RUNDC3B: variants seen among roughly 807,000 people sequenced by gnomAD.
RUNDC3B encodes the protein RUN domain containing 3B.
In RUNDC3B, 33 loss-of-function variants were observed where a neutral mutation model predicts 58.4. The ratio of observed to expected loss-of-function variants is 0.56; its 90% CI spans 0.43 to 0.75. RUNDC3B has a LOEUF of 0.75. RUNDC3B is among the 30% of genes least tolerant of loss of function. The pLI is 0.00. For synonymous variants in RUNDC3B, 193 were observed against 195.2 expected, an observed-to-expected ratio of 0.99 and a Z score of 0.10; for missense variants, 501 against 535.7, an observed-to-expected ratio of 0.94 and a Z score of 0.64.
Position 87,777,882 on chromosome 7 carries a change from G to C in RUNDC3B, c.883G>C (p.Glu295Gln). ...SQNKILLQRI[E>Q]DSDLAHKLEK... Reference sequence around the variant, plus strand: ...GAATAAAATACTACTTCAAAGGATTGAAGATTCCGATCTGGCTCATAAACT... The same window carrying C: ...GAATAAAATACTACTTCAAAGGATTCAAGATTCCGATCTGGCTCATAAACT... The change falls in exon 8 of 11, where the codon GAA becomes CAA. Residue 295 changes from glutamate to glutamine, a missense_variant. Glu to Gln is a conservative substitution (Grantham distance 29). Transcript: ENST00000394654. The C allele has an allele frequency of 1.9e-6, 3 of 1,613,450 alleles. No individual in the cohort carries two copies. Among genetic ancestry groups the C allele is most frequent in the Non-Finnish European group, 1.7e-6 (2 of 1,179,526 alleles).
At chr7:87,731,224 C>T (rs1391417013) in intron 4 of RUNDC3B, among the ~76,000 whole-genome samples, 1 of 152,064 alleles carries the variant, frequency 6.6e-6, no homozygotes, top group Non-Finnish European at 1.5e-5. Flanking sequence ...AATATGATCT[C>T]ACCGAATGAA....
intron 2 of RUNDC3B, among the ~76,000 whole-genome samples, chr7:87,671,845 A>G (rs1476635236): frequency 1.3e-5 from 2 of 152,174 alleles, no homozygotes; most frequent in East Asian, 3.9e-4. Flanking sequence ...AACAGCAAAG[A>G]TGGTGCCTGC....
chr7:87,813,898 A>T (rs1434026586), intron 9 of RUNDC3B, among the ~76,000 whole-genome samples: 1 of 151,574 alleles, frequency 6.6e-6, no homozygotes, highest in Non-Finnish European at 1.5e-5. Context: ...GGAGAATGGC[A>T]TGAACCCAGC....
chr7:87,628,437 T>G lies in RUNDC3B; in HGVS notation c.-387T>G. ...GGCTGGGGCACGAGTGGCTGCGGAG[T>G]GTGGGTGGTTGGGCGTGAGGGGCCG... On this transcript the variant is annotated 5_prime_UTR_variant, in exon 1 of 11. Coordinates refer to ENST00000394654, the MANE Select transcript of RUNDC3B (RefSeq NM_001134405.2). 2 of 157,900 alleles carry G rather than the reference T, an allele frequency of 1.3e-5. No homozygotes were observed. Among genetic ancestry groups the G allele is most frequent in the Non-Finnish European group, 2.7e-5 (2 of 72,938 alleles). The allele number at this position is 157,900 out of a possible 1,614,324, so 9.8% of individuals were successfully genotyped here.
intron 1 of RUNDC3B, among the ~76,000 whole-genome samples, chr7:87,635,488 C>A (rs1196667267): frequency 1.3e-5 from 2 of 152,148 alleles, no homozygotes; most frequent in Non-Finnish European, 2.9e-5. Flanking sequence ...ACAACTTTAT[C>A]TTTTTCTCAT....
intron 6 of RUNDC3B, among the ~76,000 whole-genome samples, chr7:87,760,420 A>G (rs1833612239): frequency 6.6e-6 from 1 of 152,118 alleles, no homozygotes; most frequent in Non-Finnish European, 1.5e-5. Flanking sequence ...TGATCTGCAG[A>G]TTCAATTCAG....
intron 6 of RUNDC3B, among the ~76,000 whole-genome samples, chr7:87,745,558 T>C (rs1653203392): frequency 1.3e-5 from 2 of 152,172 alleles, no homozygotes; most frequent in Non-Finnish European, 2.9e-5. Context: ...TATTTTTCCA[T>C]GAATTTATCC....
chr7:87,680,339 C>T (rs1826803893), intron 2 of RUNDC3B, among the ~76,000 whole-genome samples: 1 of 150,554 alleles, frequency 6.6e-6, no homozygotes, highest in Non-Finnish European at 1.5e-5. Flanking sequence ...GAGGGATTCT[C>T]GAGGAAAATT....
chr7:87,641,723 A>G (rs921264441), intron 1 of RUNDC3B, among the ~76,000 whole-genome samples: 44 of 152,216 alleles, frequency 2.9e-4, no homozygotes, highest in East Asian at 1.9e-4. Context: ...ATATTTTATG[A>G]AAGAAAGAAA....
chr7:87,633,304 G>A (rs1018301316), intron 1 of RUNDC3B, among the ~76,000 whole-genome samples: 4 of 152,154 alleles, frequency 2.6e-5, no homozygotes, highest in African/African-American at 4.8e-5. Flanking sequence ...TATTTTGGAT[G>A]GATTGCTTTA....
At chr7:87,655,605 A>G (rs1824018587) in intron 2 of RUNDC3B, among the ~76,000 whole-genome samples, 1 of 152,176 alleles carries the variant, frequency 6.6e-6, no homozygotes, top group South Asian at 2.1e-4. Context: ...AGGATATAAA[A>G]ATTCAGTTAA....
chr7:87,732,663 C>T (rs1318439558), intron 4 of RUNDC3B, among the ~76,000 whole-genome samples: 2 of 152,018 alleles, frequency 1.3e-5, no homozygotes, highest in African/African-American at 4.8e-5. Flanking sequence ...CCTTCTGGTC[C>T]CGTGGTGCCA....
intron 2 of RUNDC3B, among the ~76,000 whole-genome samples, chr7:87,656,511 T>C (rs564743816): frequency 6.6e-6 from 1 of 151,704 alleles, no homozygotes; most frequent in South Asian, 2.1e-4. Flanking sequence ...AGAGAAAATA[T>C]CAAGGTTTGT....
At chr7:87,795,723 CA>C (rs551631238) in intron 8 of RUNDC3B, among the ~76,000 whole-genome samples, 2,716 of 113,302 alleles carry the variant, frequency 0.024, 27 homozygotes, top group African/African-American at 0.032. Context: ...ACTAAAAATA[CA>C]AAAAAAAAAA....
chr7:87,741,246 A>G (rs771530831), intron 5 of RUNDC3B, among the ~76,000 whole-genome samples: 4 of 151,756 alleles, frequency 2.6e-5, no homozygotes, highest in Admixed American at 6.6e-5. Flanking sequence ...AACTGGGATT[A>G]AGAATGTTAA....
At chr7:87,823,286 T>C (rs1160414798) in intron 10 of RUNDC3B, among the ~76,000 whole-genome samples, 1 of 152,132 alleles carries the variant, frequency 6.6e-6, no homozygotes, top group Non-Finnish European at 1.5e-5. Flanking sequence ...GTACTCTTTT[T>C]AAAATTTCAT....
intron 6 of RUNDC3B, among the ~76,000 whole-genome samples, chr7:87,767,783 G>A (rs550357288): frequency 5.9e-5 from 9 of 152,224 alleles, no homozygotes; most frequent in Non-Finnish European, 1.0e-4. Context: ...GGAGTTGAGA[G>A]GACTGCATCA....
chr7:87,744,471 G>C (rs1832531178), intron 6 of RUNDC3B, among the ~76,000 whole-genome samples: 1 of 152,102 alleles, frequency 6.6e-6, no homozygotes, highest in Non-Finnish European at 1.5e-5. Flanking sequence ...ATTTGTTCAT[G>C]TAATCTGTGA....
chr7:87,783,693 T>C (rs1369336701), intron 8 of RUNDC3B, among the ~76,000 whole-genome samples: 1 of 152,230 alleles, frequency 6.6e-6, no homozygotes, highest in East Asian at 1.9e-4. Flanking sequence ...AAGGCTGGTC[T>C]ATTGGTAATG....
Sources: gnomAD v4.1 joint callset for allele counts (sites outside exome capture counted in the v4.1 genomes callset) on GRCh38, gnomAD v4.1.1 for gene constraint, MANE v1.5 for transcripts, NCBI Gene and HGNC (gene_info 2026-07-23, HGNC 2026-07-21) for gene names.